Variants in CNTN4 observed in about 807,000 individuals in gnomAD.
CNTN4 encodes contactin-4.
Under a neutral mutation model 122.5 loss-of-function variants are expected in CNTN4, and 77 were observed. The observed-to-expected ratio is 0.63, with a 90% CI of 0.52 to 0.76. The LOEUF (loss-of-function observed/expected upper bound fraction) is 0.76, where lower values mean the gene tolerates loss of function less well. CNTN4 is among the 30% of genes least tolerant of loss of function. The pLI is 0.00. For missense variants in CNTN4, 1,256 were observed against 1,259.1 expected, an observed-to-expected ratio of 1.00 and a Z score of 0.04; for synonymous variants, 512 against 447.0, an observed-to-expected ratio of 1.15 and a Z score of -1.83.
intron 4 of CNTN4, among the ~76,000 whole-genome samples, chr3:2,594,782 TTG>T (rs201993528): frequency 7.1e-6 from 1 of 140,528 alleles, no homozygotes; most frequent in Admixed American, 7.0e-5. Context: ...GTGTGTTTGT[TTG>T]TGTGTGTGTG....
At chr3:2,702,746 A>C (rs9813228) in intron 4 of CNTN4, among the ~76,000 whole-genome samples, 31,448 of 152,208 alleles carry the variant, frequency 0.21, 3,478 homozygotes, top group South Asian at 0.42. Flanking sequence ...TATTCACGCA[A>C]TCGTTCATGT....
intron 4 of CNTN4, among the ~76,000 whole-genome samples, chr3:2,628,020 C>T (rs1420992554): frequency 1.3e-5 from 2 of 152,112 alleles, no homozygotes; most frequent in Non-Finnish European, 2.9e-5. Context: ...GAGGGACTTG[C>T]TTCGTAGTAT....
chr3:2,687,762 A>G (rs1220173952), intron 4 of CNTN4, among the ~76,000 whole-genome samples: 2 of 152,178 alleles, frequency 1.3e-5, no homozygotes, highest in East Asian at 3.9e-4. Flanking sequence ...TGCCTTTTTG[A>G]TAGGGTTTTC....
intron 4 of CNTN4, among the ~76,000 whole-genome samples, chr3:2,612,019 T>C (rs2081513270): frequency 7.7e-6 from 1 of 129,126 alleles, no homozygotes; most frequent in African/African-American, 3.0e-5. Context: ...TCTCAGGTGG[T>C]AACATTTTAA....
chr3:2,450,681 G>A (rs1366739018), intron 3 of CNTN4, among the ~76,000 whole-genome samples: 1 of 152,124 alleles, frequency 6.6e-6, no homozygotes, highest in South Asian at 2.1e-4. Flanking sequence ...AATAGAGACT[G>A]AATAACTCCC....
At chr3:2,785,901 C>CA (rs1553639517) in intron 6 of CNTN4, among the ~76,000 whole-genome samples, 1 of 128,902 alleles carries the variant, frequency 7.8e-6, no homozygotes, top group Middle Eastern at 3.8e-3. Context: ...CGCTGCCCCC[C>CA]CCCGCCCCCC....
chr3:2,239,448 GA>G (rs2039840546), intron 2 of CNTN4, among the ~76,000 whole-genome samples: 1 of 152,106 alleles, frequency 6.6e-6, no homozygotes, highest in Admixed American at 6.5e-5. Flanking sequence ...CAACAAAGGG[GA>G]TAGTATCCTA....
At chr3:2,804,190 A>G (rs2092413108) in intron 6 of CNTN4, among the ~76,000 whole-genome samples, 1 of 152,080 alleles carries the variant, frequency 6.6e-6, no homozygotes. Flanking sequence ...AAGCTTCAAC[A>G]TTACTGGCAA....
chr3:2,349,134 T>C (rs2150423015), intron 3 of CNTN4, among the ~76,000 whole-genome samples: 1 of 152,342 alleles, frequency 6.6e-6, no homozygotes, highest in South Asian at 2.1e-4. Context: ...TTTATATGCA[T>C]CTGTATATAA....
chr3:2,255,432 G>C (rs145621250), intron 2 of CNTN4, among the ~76,000 whole-genome samples: 17 of 152,234 alleles, frequency 1.1e-4, no homozygotes, highest in South Asian at 4.1e-4. Context: ...GAACCATGTG[G>C]ATCTAATAGA....
At chr3:2,295,501 C>A (rs1370489313) in intron 2 of CNTN4, among the ~76,000 whole-genome samples, 2 of 150,730 alleles carry the variant, frequency 1.3e-5, no homozygotes, top group Middle Eastern at 3.4e-3. Context: ...TGTTCATATC[C>A]TTCGCCCACT....
At chr3:2,652,231 C>G (rs1182167653) in intron 4 of CNTN4, among the ~76,000 whole-genome samples, 3 of 152,026 alleles carry the variant, frequency 2.0e-5, no homozygotes, top group Non-Finnish European at 4.4e-5. Flanking sequence ...CTGAAACAGA[C>G]AAACACAATA....
intron 3 of CNTN4, among the ~76,000 whole-genome samples, chr3:2,507,195 C>T (rs999936614): frequency 2.0e-5 from 3 of 152,072 alleles, no homozygotes; most frequent in South Asian, 4.2e-4. Context: ...TCATGCTTCC[C>T]TTGGGCCAGG....
chr3:2,313,646 A>T (rs1004701468), intron 2 of CNTN4, among the ~76,000 whole-genome samples: 7 of 152,034 alleles, frequency 4.6e-5, no homozygotes, highest in Non-Finnish European at 8.8e-5. Context: ...AGCCATGCTC[A>T]TACAGTCACT....
intron 2 of CNTN4, among the ~76,000 whole-genome samples, chr3:2,326,497 C>CAT (rs2043465090): frequency 1.8e-5 from 2 of 108,574 alleles, no homozygotes; most frequent in Non-Finnish European, 4.3e-5. Flanking sequence ...CACACACACA[C>CAT]ACACACACAC....
rs527699587 is a variant in CNTN4 at position 2,663,352 on chromosome 3, G to T, written c.56-72863G>T. Among the ~76,000 whole-genome samples the T allele has an allele frequency of 2.4e-4, 37 of 152,280 alleles. 1 individual carries two copies. In the South Asian group the frequency reaches 7.2e-3, roughly 30 times the overall value. ...GAAGTACTGTAGGTAAAATATACAT[G>T]ACTTGGGGACCCAGTGAATGTAAAA... On this transcript the variant is annotated intron_variant, in intron 4 of 24. Coordinates refer to ENST00000418658, the MANE Select transcript of CNTN4 (RefSeq NM_175607.3).
intron 3 of CNTN4, among the ~76,000 whole-genome samples, chr3:2,532,478 A>T (rs2077633399): frequency 6.6e-6 from 1 of 152,164 alleles, no homozygotes; most frequent in African/African-American, 2.4e-5. Context: ...TGTACTAGGA[A>T]CAAAAAATAA....
At chr3:2,223,314 C>T in intron 2 of CNTN4, among the ~76,000 whole-genome samples, 1 of 152,100 alleles carries the variant, frequency 6.6e-6, no homozygotes, top group East Asian at 1.9e-4. Flanking sequence ...ACCTTTCTAT[C>T]CCTGCTTTTC....
At chr3:2,335,999 A>G (rs2043939289) in intron 2 of CNTN4, among the ~76,000 whole-genome samples, 1 of 152,222 alleles carries the variant, frequency 6.6e-6, no homozygotes, top group African/African-American at 2.4e-5. Flanking sequence ...ATAAGACAAC[A>G]CAGGTACATA....
Sources: gnomAD v4.1 joint callset for allele counts (sites outside exome capture counted in the v4.1 genomes callset) on GRCh38, gnomAD v4.1.1 for gene constraint, MANE v1.5 for transcripts, NCBI Gene and HGNC (gene_info 2026-07-23, HGNC 2026-07-21) for gene names.